The following KCNG2 variants were observed in gnomAD, a reference collection of about 807,000 sequenced individuals.
The protein encoded by KCNG2 is potassium voltage-gated channel modifier subfamily G member 2.
KCNG2 carries 7 observed loss-of-function variants against 12.3 expected under a neutral mutation model. The ratio of observed to expected loss-of-function variants is 0.57; its 90% CI spans 0.32 to 1.07. The LOEUF (loss-of-function observed/expected upper bound fraction) is 1.07. Ranked by LOEUF, KCNG2 falls within the 50% of genes least tolerant of loss-of-function variation. The pLI, the probability that KCNG2 is intolerant of heterozygous loss-of-function variation, is 0.04. For missense variants in KCNG2, 703 were observed against 726.0 expected (o/e 0.97, Z 0.36); for synonymous variants, 414 against 351.4 (o/e 1.18, Z -1.99).
At chr18:79,845,203 A>G (rs571725298) in intron 1 of KCNG2, among the ~76,000 whole-genome samples, 1 of 152,232 alleles carries the variant, frequency 6.6e-6, no homozygotes, top group East Asian at 1.9e-4. Flanking sequence ...CATTCATAAC[A>G]TTCTTGAAAT....
intron 3 of KCNG2, among the ~76,000 whole-genome samples, chr18:79,872,020 C>T (rs553635930): frequency 1.7e-4 from 25 of 151,310 alleles, no homozygotes; most frequent in South Asian, 6.5e-4. Flanking sequence ...CCTGCACGTG[C>T]GGCCGGCCGC....
Position 79,803,762 on chromosome 18 carries a change from C to T in KCNG2, c.-115+5748C>T, listed in dbSNP as rs530288728. Among the ~76,000 whole-genome samples the T allele has an allele frequency of 2.0e-5, 3 of 152,362 alleles. No individual in the cohort carries two copies. The highest frequency in any genetic ancestry group is 6.5e-5 in the Admixed American group (1 of 15,312). On this transcript the variant is annotated intron_variant, in intron 1 of 3. Transcript: ENST00000316249. This position sits in a 1 kb window ranked among gnomAD's most constrained non-coding sequence, Gnocchi z 4.5. Reference sequence around the variant, plus strand: ...GGGGCCCTCCTGCGTCTCCCGACCACAGGCCCCAGTCCCGGCCAAGGTTCC... The same window carrying T: ...GGGGCCCTCCTGCGTCTCCCGACCATAGGCCCCAGTCCCGGCCAAGGTTCC...
chr18:79,834,646 A>G (rs554900527), intron 1 of KCNG2, among the ~76,000 whole-genome samples: 2 of 152,228 alleles, frequency 1.3e-5, no homozygotes, highest in Non-Finnish European at 2.9e-5. Context: ...TATCAAGTGA[A>G]TGAGAGACCT....
rs1218551627 is a variant in KCNG2, at chr18:79,803,122, G to C, written c.-115+5108G>C. ...GAACCCGGAAGGCGGAGCTTGCAGT[G>C]AGCCGAGATCGCGCCACTGCACTCC... is the stretch of plus-strand genomic sequence containing the variant. On this transcript the variant is annotated intron_variant, in intron 1 of 3. Coordinates refer to ENST00000316249, the MANE Select transcript of KCNG2 (RefSeq NM_012283.2). This position sits in a 1 kb window ranked among gnomAD's most constrained non-coding sequence, Gnocchi z 4.5. Among the ~76,000 whole-genome samples the C allele has an allele frequency of 6.6e-6, 1 of 152,188 alleles. No individual in the cohort carries two copies. Among genetic ancestry groups the C allele is most frequent in the African/African-American group, 2.4e-5 (1 of 41,442 alleles).
intron 1 of KCNG2, among the ~76,000 whole-genome samples, chr18:79,842,036 C>T (rs1978475066): frequency 1.3e-5 from 2 of 152,224 alleles, no homozygotes; most frequent in South Asian, 2.1e-4. Context: ...CAGGCTGGCC[C>T]CTGCAGACCC....
chr18:79,841,033 T>C (rs1978444431), intron 1 of KCNG2, among the ~76,000 whole-genome samples: 1 of 152,070 alleles, frequency 6.6e-6, no homozygotes, highest in Non-Finnish European at 1.5e-5. Context: ...CTTCTGGAGG[T>C]TGAGGCGGGT....
intron 3 of KCNG2, among the ~76,000 whole-genome samples, chr18:79,865,185 G>C (rs1025750788): frequency 6.8e-6 from 1 of 147,602 alleles, no homozygotes; most frequent in Non-Finnish European, 1.5e-5. Flanking sequence ...TGAGAGGTCT[G>C]GGTGCTGAGA....
chr18:79,885,526 G>A (rs1312653811), intron 3 of KCNG2, among the ~76,000 whole-genome samples: 1 of 152,194 alleles, frequency 6.6e-6, no homozygotes, highest in Non-Finnish European at 1.5e-5. Flanking sequence ...TTGTGGGCAG[G>A]GCGGCGCTCA....
chr18:79,801,107 C>T lies in KCNG2; in HGVS notation c.-115+3093C>T, dbSNP rs140718001. On this transcript the variant is annotated intron_variant, in intron 1 of 3. Coordinates refer to ENST00000316249, the MANE Select transcript of KCNG2 (RefSeq NM_012283.2). Reference sequence around the variant, plus strand: ...GCTTTAACTGCTGGTCTCTGATCCCCGCCACGTCAGATGAGAGGGTTGAAC... The same window carrying T: ...GCTTTAACTGCTGGTCTCTGATCCCTGCCACGTCAGATGAGAGGGTTGAAC... Among the ~76,000 whole-genome samples the T allele has an allele frequency of 5.7e-3, 874 of 152,292 alleles. 6 individuals are homozygous for T. Among genetic ancestry groups the T allele is most frequent in the Middle Eastern group, 0.024 (7 of 294 alleles).
intron 3 of KCNG2, among the ~76,000 whole-genome samples, chr18:79,887,848 C>T (rs1412602515): frequency 3.3e-5 from 5 of 152,192 alleles, no homozygotes; most frequent in Admixed American, 3.3e-4. Flanking sequence ...GGGATCCACG[C>T]AGCAGCCCAC....
Position 79,856,387 on chromosome 18 carries a change from C to T in KCNG2, c.-106C>T, listed in dbSNP as rs986204446. ...GGATGTTCATTTTCCAGGTCGAAGC[C>T]GCTGGTCTCAGCTGTGTTTTCACCG... On this transcript the variant is annotated 5_prime_UTR_variant, in exon 2 of 4. Transcript: ENST00000316249. Among the ~76,000 whole-genome samples the T allele has an allele frequency of 1.2e-4, 19 of 152,180 alleles. No individual in the cohort carries two copies. Among genetic ancestry groups the T allele is most frequent in the African/African-American group, 2.4e-5 (1 of 41,436 alleles).
At chr18:79,802,986 C>A (rs2087422854) in intron 1 of KCNG2, among the ~76,000 whole-genome samples, 1 of 152,132 alleles carries the variant, frequency 6.6e-6, no homozygotes, top group South Asian at 2.1e-4. Context: ...TCAGACCAGC[C>A]TGGTCAACAT....
chr18:79,819,566 G>A (rs1250930762), intron 1 of KCNG2, among the ~76,000 whole-genome samples: 2 of 152,222 alleles, frequency 1.3e-5, no homozygotes, highest in Non-Finnish European at 2.9e-5. Flanking sequence ...TTCACGCCGC[G>A]GGGTTTGTGT....
At chr18:79,848,042 CGGTGCATGGA>C (rs1978683220) in intron 1 of KCNG2, among the ~76,000 whole-genome samples, 1 of 152,104 alleles carries the variant, frequency 6.6e-6, no homozygotes, top group African/African-American at 2.4e-5. Context: ...GGATGGGGTG[CGGTGCATGGA>C]CCCTGACCTG....
At chr18:79,823,989 A>G (rs890226691) in intron 1 of KCNG2, among the ~76,000 whole-genome samples, 5 of 152,052 alleles carry the variant, frequency 3.3e-5, no homozygotes, top group Non-Finnish European at 5.9e-5. Flanking sequence ...CTGTAAATGG[A>G]CTTTTTCTTT....
At chr18:79,872,287 T>TTTTTTTTTTTTG (rs1979874326) in intron 3 of KCNG2, among the ~76,000 whole-genome samples, 1 of 113,506 alleles carries the variant, frequency 8.8e-6, no homozygotes, top group Non-Finnish European at 1.8e-5. Context: ...TCAGTTTTTT[T>TTTTTTTTTTTTG]TTTTTTTTTT....
chr18:79,863,939 G>C lies in KCNG2; in HGVS notation c.272G>C (p.Arg91Pro). 2 of 1,350,600 alleles carry C rather than the reference G, an allele frequency of 1.5e-6. No homozygotes were observed. The highest frequency in any genetic ancestry group is 1.7e-5 in the South Asian group (1 of 59,080). The allele number at this position is 1,350,600 out of a possible 1,614,324, so 83.7% of individuals were successfully genotyped here. Residue 91 changes from arginine (R) to proline (P), a missense_variant, in exon 3 of 4, where the codon CGA (arginine) becomes CCA (proline). Transcript: ENST00000316249. Reference protein sequence around the residue: ...IVALLRAGKLRLLRGPCALAF... With the variant: ...IVALLRAGKLPLLRGPCALAF... ...GCGCTTTTGCGCGCAGGGAAGCTGC[G>C]ACTGCTGCGGGGCCCGTGCGCGCTG...
intron 3 of KCNG2, among the ~76,000 whole-genome samples, chr18:79,894,542 A>C: frequency 6.6e-6 from 1 of 152,080 alleles, no homozygotes; most frequent in Non-Finnish European, 1.5e-5. Flanking sequence ...CACTCCATTC[A>C]TAACGATTGA....
intron 1 of KCNG2, among the ~76,000 whole-genome samples, chr18:79,838,983 C>T (rs185422171): frequency 4.7e-4 from 72 of 152,182 alleles, no homozygotes; most frequent in Non-Finnish European, 1.8e-4. Context: ...AACAAAGAGC[C>T]GACTCTTTGA....
Sources: allele counts gnomAD v4.1 joint callset (sites outside exome capture counted in the v4.1 genomes callset), GRCh38; gene constraint gnomAD v4.1.1; non-coding constraint Gnocchi (gnomAD v3.1); transcripts MANE v1.5; gene names NCBI Gene and HGNC (gene_info 2026-07-23, HGNC 2026-07-21).